Variants in PDE1C observed in about 807,000 individuals in gnomAD.
PDE1C encodes phosphodiesterase 1C, also known as dual specificity calcium/calmodulin-dependent 3',5'-cyclic nucleotide phosphodiesterase 1C.
A neutral mutation model predicts 93.1 loss-of-function variants in PDE1C; 62 were observed. The ratio of observed to expected loss-of-function variants is 0.67; its 90% CI spans 0.54 to 0.82. PDE1C has a LOEUF of 0.82. Among genes scored for constraint, PDE1C ranks in the 40% least tolerant of loss-of-function variants. The pLI, the probability that PDE1C is intolerant of heterozygous loss-of-function variation, is 0.00. For missense variants in PDE1C, 742 were observed against 884.6 expected (o/e 0.84, Z 2.04); for synonymous variants, 325 against 310.1 (o/e 1.05, Z -0.50).
At chr7:31,713,097 C>T in the PDE1C span, among the ~76,000 whole-genome samples, 5 of 152,150 alleles carry the variant, frequency 3.3e-5, no homozygotes, top group Non-Finnish European at 5.9e-5. Context: ...ACTCAAAAGT[C>T]GACAGTCCAA....
In PDE1C at chr7:32,282,583, C is replaced by CTT. The variant is rs367633822; in HGVS notation, c.85+16066_85+16067dup. On this transcript the variant is annotated intron_variant, in intron 1 of 18. Transcript: ENST00000396193. ...AAATAACAGAACAGTTTTATGTCTT[C>CTT]TTTTTTTTTTTTTTTTGAGACGGAG... Among the ~76,000 whole-genome samples, 497 of 123,660 alleles carry CTT rather than the reference C, an allele frequency of 4.0e-3. 16 individuals carry two copies. Among genetic ancestry groups the CTT allele is most frequent in the Middle Eastern group, 0.012 (2 of 166 alleles). 81.1% of individuals were successfully genotyped at this position (123,660 alleles called of 152,430 possible).
intron 3 of PDE1C, among the ~76,000 whole-genome samples, chr7:32,092,096 G>C (rs1797501846): frequency 6.6e-6 from 1 of 152,018 alleles, no homozygotes; most frequent in African/African-American, 2.4e-5. Flanking sequence ...GATTCCCAAG[G>C]CTCCAAGGCC....
intron 2 of PDE1C, among the ~76,000 whole-genome samples, chr7:31,954,238 T>G (rs1299540077): frequency 1.3e-5 from 2 of 152,178 alleles, no homozygotes; most frequent in Non-Finnish European, 2.9e-5. Flanking sequence ...GTGTGTCACT[T>G]CGGGACCAAG....
chr7:32,016,281 G>T (rs1787897255), intron 2 of PDE1C, among the ~76,000 whole-genome samples: 2 of 152,188 alleles, frequency 1.3e-5, no homozygotes, highest in South Asian at 2.1e-4. Context: ...GAGAAGGAAA[G>T]AATTCAAAGG....
intron 5 of PDE1C, among the ~76,000 whole-genome samples, chr7:31,876,051 C>CTGGCAATGAAGTGGAAATAATCT (rs1796551877): frequency 1.3e-5 from 2 of 151,530 alleles, no homozygotes; most frequent in Non-Finnish European, 2.9e-5. Flanking sequence ...ATATGAACTT[C>CTGGCAATGAAGTGGAAATAATCT]TGGCAATGAA....
intron 1 of PDE1C, among the ~76,000 whole-genome samples, chr7:32,400,449 C>A (rs1354053723): frequency 6.6e-6 from 1 of 152,134 alleles, no homozygotes; most frequent in Non-Finnish European, 1.5e-5. Flanking sequence ...AGTCTGTGGT[C>A]AGACGGAAAA....
At chr7:31,936,960 G>A (rs751610555) in intron 2 of PDE1C, among the ~76,000 whole-genome samples, 38 of 152,144 alleles carry the variant, frequency 2.5e-4, no homozygotes, top group African/African-American at 2.7e-4. Flanking sequence ...GTCAACACAC[G>A]TAAGCTATCA....
intron 3 of PDE1C, among the ~76,000 whole-genome samples, chr7:32,167,167 A>C (rs1802342749): frequency 6.6e-6 from 1 of 152,210 alleles, no homozygotes; most frequent in East Asian, 1.9e-4. Context: ...CAGAAAGTAG[A>C]ATTTAGCTTT....
At chr7:31,831,646 T>C (rs1790426416) in intron 11 of PDE1C, among the ~76,000 whole-genome samples, 1 of 151,972 alleles carries the variant, frequency 6.6e-6, no homozygotes, top group African/African-American at 2.4e-5. Flanking sequence ...AAGAACACAT[T>C]TCACTCAAAG....
intron 3 of PDE1C, among the ~76,000 whole-genome samples, chr7:32,154,244 G>A (rs1801434875): frequency 6.6e-6 from 1 of 152,156 alleles, no homozygotes; most frequent in Non-Finnish European, 1.5e-5. Flanking sequence ...GGGTGACAGA[G>A]CGAGACTATG....
At chr7:32,375,809 C>T (rs888094857) in intron 1 of PDE1C, among the ~76,000 whole-genome samples, 1 of 152,216 alleles carries the variant, frequency 6.6e-6, no homozygotes, top group African/African-American at 2.4e-5. Context: ...AAGACCATTG[C>T]TTTTTACATA....
At chr7:31,941,971 A>T (rs1805915171) in intron 2 of PDE1C, among the ~76,000 whole-genome samples, 1 of 152,206 alleles carries the variant, frequency 6.6e-6, no homozygotes, top group Admixed American at 6.5e-5. Context: ...TTTTAAGCAA[A>T]AGATGCACAA....
At chr7:32,264,886 A>C (rs1410611912) in intron 1 of PDE1C, among the ~76,000 whole-genome samples, 1 of 152,178 alleles carries the variant, frequency 6.6e-6, no homozygotes, top group African/African-American at 2.4e-5. Flanking sequence ...GGCTTTTCCA[A>C]AATGCCCAAA....
At chr7:32,176,088 T>C (rs1431465887) in intron 2 of PDE1C, among the ~76,000 whole-genome samples, 2 of 152,376 alleles carry the variant, frequency 1.3e-5, no homozygotes, top group Admixed American at 1.3e-4. Context: ...TTTGTACTTG[T>C]ATGAATTTTC....
the PDE1C span, among the ~76,000 whole-genome samples, chr7:31,687,866 A>G: frequency 6.6e-6 from 1 of 152,198 alleles, no homozygotes; most frequent in Non-Finnish European, 1.5e-5. Context: ...TCCATCCAGT[A>G]AATCAAGACC....
At chr7:31,965,787 G>C (rs1477209945) in intron 2 of PDE1C, among the ~76,000 whole-genome samples, 1 of 152,236 alleles carries the variant, frequency 6.6e-6, no homozygotes, top group Non-Finnish European at 1.5e-5. Context: ...AGCCAGAAGA[G>C]AGTGGGGGCA....
At chr7:31,976,529 T>C (rs1292919137) in intron 2 of PDE1C, among the ~76,000 whole-genome samples, 3 of 152,198 alleles carry the variant, frequency 2.0e-5, no homozygotes, top group Non-Finnish European at 4.4e-5. Flanking sequence ...ATAGGTGACA[T>C]GAGTTAAGTC....
chr7:32,002,584 T>C (rs1785619683), intron 2 of PDE1C, among the ~76,000 whole-genome samples: 1 of 152,190 alleles, frequency 6.6e-6, no homozygotes, highest in African/African-American at 2.4e-5. Flanking sequence ...ACTTAACAAA[T>C]GTTAGTTGTG....
At chr7:31,921,828 TATCA>T (rs1172994533) in intron 2 of PDE1C, among the ~76,000 whole-genome samples, 2 of 152,236 alleles carry the variant, frequency 1.3e-5, no homozygotes, top group East Asian at 3.8e-4. Flanking sequence ...ATGGCCATGT[TATCA>T]ATTATCAATA....
Sources: gnomAD v4.1 joint callset for allele counts (sites outside exome capture counted in the v4.1 genomes callset) on GRCh38, gnomAD v4.1.1 for gene constraint, MANE v1.5 for transcripts, NCBI Gene and HGNC (gene_info 2026-07-23, HGNC 2026-07-21) for gene names.